The following GULP1 variants were observed in gnomAD, a reference collection of about 807,000 sequenced individuals.
GULP1 encodes the protein PTB domain-containing engulfment adapter protein 1.
GULP1 carries 19 observed loss-of-function variants against 40.9 expected under a neutral mutation model. The ratio of observed to expected loss-of-function variants is 0.46; its 90% CI spans 0.32 to 0.68. The LOEUF is 0.68. Among genes scored for constraint, GULP1 ranks in the 30% least tolerant of loss-of-function variants. GULP1 has a pLI of 0.03. For missense variants in GULP1, 312 were observed against 362.2 expected, an observed-to-expected ratio of 0.86 and a Z score of 1.12; for synonymous variants, 119 against 117.6, an observed-to-expected ratio of 1.01 and a Z score of -0.08.
chr2:188,341,329 C>A (rs992647565), intron 1 of GULP1, among the ~76,000 whole-genome samples: 2 of 152,096 alleles, frequency 1.3e-5, no homozygotes, highest in Non-Finnish European at 2.9e-5. Context: ...AGCCAGATCT[C>A]ATGAGAACTC....
At chr2:188,487,161 AATCAAT>A in intron 4 of GULP1, among the ~76,000 whole-genome samples, 1 of 152,108 alleles carries the variant, frequency 6.6e-6, no homozygotes, top group African/African-American at 2.4e-5. Context: ...CTTGTATTTT[AATCAAT>A]TTATTTTTCT....
intron 2 of GULP1, among the ~76,000 whole-genome samples, chr2:188,450,918 A>G (rs1005792133): frequency 1.3e-5 from 2 of 152,116 alleles, no homozygotes; most frequent in African/African-American, 4.8e-5. Flanking sequence ...CTTCAGCAAC[A>G]TTTCCCCATC....
intron 1 of GULP1, among the ~76,000 whole-genome samples, chr2:188,298,854 GC>G (rs2035553843): frequency 6.6e-6 from 1 of 152,176 alleles, no homozygotes; most frequent in Non-Finnish European, 1.5e-5. Flanking sequence ...GCTCGGTGCT[GC>G]CAAGTGAATA....
intron 4 of GULP1, among the ~76,000 whole-genome samples, chr2:188,514,808 TAAACCTTTTG>T (rs1264579054): frequency 6.6e-6 from 1 of 152,192 alleles, no homozygotes; most frequent in Non-Finnish European, 1.5e-5. Flanking sequence ...CAATAAAAAA[TAAACCTTTTG>T]GGATTAGCTT....
intron 1 of GULP1, among the ~76,000 whole-genome samples, chr2:188,315,648 A>G (rs1037905052): frequency 1.6e-4 from 25 of 152,146 alleles, no homozygotes; most frequent in Admixed American, 1.5e-3. Flanking sequence ...GACACGTTCC[A>G]AGATCCTCAG....
intron 2 of GULP1, among the ~76,000 whole-genome samples, chr2:188,410,931 A>G (rs990882161): frequency 1.3e-5 from 2 of 152,198 alleles, no homozygotes; most frequent in African/African-American, 4.8e-5. Context: ...AAGTAGATAC[A>G]GAGGAATGTA....
intron 2 of GULP1, among the ~76,000 whole-genome samples, chr2:188,385,538 T>A (rs1178415536): frequency 1.3e-5 from 2 of 152,186 alleles, no homozygotes; most frequent in African/African-American, 4.8e-5. Flanking sequence ...TTATGCAAAT[T>A]TATGCAGCTA....
intron 1 of GULP1, among the ~76,000 whole-genome samples, chr2:188,313,687 C>G (rs1288269144): frequency 1.3e-5 from 2 of 152,138 alleles, no homozygotes; most frequent in African/African-American, 2.4e-5. Flanking sequence ...GTCATTGAGT[C>G]TATGAATTAC....
chr2:188,372,569 C>T (rs1373730370), intron 1 of GULP1, among the ~76,000 whole-genome samples: 2 of 151,952 alleles, frequency 1.3e-5, no homozygotes, highest in Non-Finnish European at 2.9e-5. Context: ...CATACATGAA[C>T]TCCTTTAAAA....
intron 7 of GULP1, among the ~76,000 whole-genome samples, chr2:188,559,853 C>T (rs1282168244): frequency 1.3e-5 from 2 of 152,160 alleles, no homozygotes; most frequent in East Asian, 3.9e-4. Flanking sequence ...CGGTTTCCCA[C>T]ATGCTGTTCT....
chr2:188,467,555 T>TA (rs1278518116), intron 2 of GULP1, among the ~76,000 whole-genome samples: 1 of 152,180 alleles, frequency 6.6e-6, no homozygotes, highest in Non-Finnish European at 1.5e-5. Flanking sequence ...TTCTCCACTT[T>TA]ATCTTTGAAC....
chr2:188,535,471 A>C (rs2153275716), intron 6 of GULP1, among the ~76,000 whole-genome samples: 1 of 152,298 alleles, frequency 6.6e-6, no homozygotes, highest in South Asian at 2.1e-4. Context: ...TAATTCGTTT[A>C]GGATAATGGC....
At chr2:188,333,245 A>T (rs973032520) in intron 1 of GULP1, among the ~76,000 whole-genome samples, 2 of 141,650 alleles carry the variant, frequency 1.4e-5, no homozygotes, top group African/African-American at 2.6e-5. Context: ...GACCTTGTCT[A>T]AAAAAAAAAA....
At chr2:188,588,795 G>GA (rs967827425) in intron 11 of GULP1, 2 of 151,948 alleles carry the variant, frequency 1.3e-5, no homozygotes, top group African/African-American at 2.4e-5. Flanking sequence ...TCACTTCCTA[G>GA]AAAAAACAAT....
chr2:188,424,266 A>C (rs1431025190), intron 2 of GULP1, among the ~76,000 whole-genome samples: 1 of 151,922 alleles, frequency 6.6e-6, no homozygotes, highest in African/African-American at 2.4e-5. Flanking sequence ...AAATCTCATC[A>C]AAATTACTAA....
intron 4 of GULP1, among the ~76,000 whole-genome samples, chr2:188,495,518 G>A (rs1186227795): frequency 6.6e-6 from 1 of 151,982 alleles, no homozygotes; most frequent in Non-Finnish European, 1.5e-5. Context: ...TAGTGATTAA[G>A]GGGTATTATG....
At chr2:188,392,175 G>C (rs964922059) in intron 2 of GULP1, among the ~76,000 whole-genome samples, 1 of 151,866 alleles carries the variant, frequency 6.6e-6, no homozygotes, top group South Asian at 2.1e-4. Context: ...ACTAAGATTG[G>C]TATCAATTGT....
chr2:188,394,806 G>A (rs934999585), intron 2 of GULP1, among the ~76,000 whole-genome samples: 1 of 152,112 alleles, frequency 6.6e-6, no homozygotes, highest in Non-Finnish European at 1.5e-5. Flanking sequence ...CTCTGTATGA[G>A]TTCCTTGGTT....
chr2:188,559,738 T>C (rs1024864713), intron 7 of GULP1, among the ~76,000 whole-genome samples: 2 of 152,252 alleles, frequency 1.3e-5, no homozygotes, highest in South Asian at 2.1e-4. Flanking sequence ...TGGAATGATA[T>C]GGTTTGGCTC....
Sources: allele counts gnomAD v4.1 joint callset (sites outside exome capture counted in the v4.1 genomes callset), GRCh38; gene constraint gnomAD v4.1.1; transcripts MANE v1.5; gene names NCBI Gene and HGNC (gene_info 2026-07-23, HGNC 2026-07-21).